The following SH3PXD2A variants were observed in gnomAD, a reference collection of about 807,000 sequenced individuals.
The protein encoded by SH3PXD2A is SH3 and PX domains 2A.
SH3PXD2A carries 32 observed loss-of-function variants against 115.2 expected under a neutral mutation model. That is an observed-to-expected ratio of 0.28 (90% CI 0.21 to 0.37). The LOEUF is 0.37. SH3PXD2A is among the 10% of genes least tolerant of loss of function. SH3PXD2A has a pLI of 1.00. For missense variants in SH3PXD2A, 1,328 were observed against 1,498.7 expected, an observed-to-expected ratio of 0.89 and a Z score of 1.88; for synonymous variants, 610 against 629.1, an observed-to-expected ratio of 0.97 and a Z score of 0.45.
intron 8 of SH3PXD2A, among the ~76,000 whole-genome samples, chr10:103,628,938 T>C (rs2036738420): frequency 6.6e-6 from 1 of 152,242 alleles, no homozygotes; most frequent in South Asian, 2.1e-4. Context: ...GCCACGTTTA[T>C]TTCATAAACA....
intron 9 of SH3PXD2A, among the ~76,000 whole-genome samples, chr10:103,624,593 C>A (rs1439135111): frequency 6.6e-6 from 1 of 152,206 alleles, no homozygotes; most frequent in African/African-American, 2.4e-5. Context: ...CAAAGTGTCT[C>A]ATGATAAGGA....
At chr10:103,678,526 G>A (rs1464001704) in intron 6 of SH3PXD2A, among the ~76,000 whole-genome samples, 1 of 152,244 alleles carries the variant, frequency 6.6e-6, no homozygotes, top group African/African-American at 2.4e-5. Flanking sequence ...CCAGGAAGGA[G>A]GCCTGGTGCT....
chr10:103,753,982 CT>C (rs2038609929), intron 3 of SH3PXD2A: 1 of 152,198 alleles, frequency 6.6e-6, no homozygotes, highest in Non-Finnish European at 1.5e-5. Flanking sequence ...CAACTACCAA[CT>C]ATTAAACTGG....
chr10:103,638,530 C>T (rs780256525), intron 8 of SH3PXD2A, among the ~76,000 whole-genome samples: 1 of 152,232 alleles, frequency 6.6e-6, no homozygotes, highest in African/African-American at 2.4e-5. Flanking sequence ...TGACAGGTAG[C>T]GGAGAATGGT....
At chr10:103,780,976 C>G (rs951329945) in intron 2 of SH3PXD2A, among the ~76,000 whole-genome samples, 1 of 152,174 alleles carries the variant, frequency 6.6e-6, no homozygotes, top group Non-Finnish European at 1.5e-5. Flanking sequence ...GCTTGTCCGT[C>G]CCTGCACACT....
Position 103,665,673 on chromosome 10 carries a change from C to G in SH3PXD2A, c.472+2935G>C, listed in dbSNP as rs1031034762. ...TGCGAGCAGGTATCCAGATGAGAAA[C>G]CACTTGCAGGCCAGGCAGGCAGTGG... On this transcript the variant is annotated intron_variant, in intron 7 of 14. Transcript: ENST00000369774. This position sits in a 1 kb window ranked among gnomAD's most constrained non-coding sequence, Gnocchi z 4.0. Among the ~76,000 whole-genome samples, 1 of 152,212 alleles carries G rather than the reference C, an allele frequency of 6.6e-6. No individual in the cohort carries two copies. Among genetic ancestry groups the G allele is most frequent in the Non-Finnish European group, 1.5e-5 (1 of 68,030 alleles).
chr10:103,797,932 C>T (rs562279689), intron 2 of SH3PXD2A, among the ~76,000 whole-genome samples: 5 of 152,194 alleles, frequency 3.3e-5, no homozygotes, highest in Admixed American at 6.5e-5. Context: ...ACAGAGGGTC[C>T]ATGTGCTGTT....
intron 8 of SH3PXD2A, among the ~76,000 whole-genome samples, chr10:103,638,118 C>CA (rs2133978055): frequency 6.6e-6 from 1 of 152,340 alleles, no homozygotes; most frequent in African/African-American, 2.4e-5. Context: ...TGCACCCACA[C>CA]AGCCCCTGCC....
chr10:103,681,496 A>G (rs920261592), intron 6 of SH3PXD2A, among the ~76,000 whole-genome samples: 2 of 152,364 alleles, frequency 1.3e-5, no homozygotes, highest in South Asian at 4.1e-4. Context: ...GGCTGGGTGC[A>G]GTGGCTCACG....
chr10:103,835,448 T>C (rs1191921768), intron 1 of SH3PXD2A, among the ~76,000 whole-genome samples: 2 of 152,210 alleles, frequency 1.3e-5, no homozygotes, highest in Non-Finnish European at 2.9e-5. Flanking sequence ...TGAAATCGCT[T>C]AGCAGACAAC....
Position 103,798,819 on chromosome 10 carries a change from G to A in SH3PXD2A, c.153+2463C>T, listed in dbSNP as rs373159659. Among the ~76,000 whole-genome samples the A allele has an allele frequency of 3.3e-5, 5 of 152,200 alleles. No individual in the cohort carries two copies. In the East Asian group the frequency reaches 9.6e-4, roughly 29 times the overall value. On this transcript the variant is annotated intron_variant, in intron 2 of 14. Coordinates refer to ENST00000369774, the MANE Select transcript of SH3PXD2A (RefSeq NM_001394015.1). ...TACCTGGCTCTGAATACGCCGGCAG[G>A]GACTGGGCACAGGGAGCTCACCACA...
chr10:103,661,251 G>T, intron 7 of SH3PXD2A, 137 bp from the exon 8 acceptor site: 1 of 1,039,004 alleles, frequency 9.6e-7, no homozygotes, highest in Non-Finnish European at 1.3e-6. Context: ...CGCAGCCGGG[G>T]CTCGCAGCTC....
At chr10:103,648,018 C>T (rs771068325) in intron 8 of SH3PXD2A, among the ~76,000 whole-genome samples, 5 of 152,128 alleles carry the variant, frequency 3.3e-5, no homozygotes, top group Non-Finnish European at 5.9e-5. Context: ...ACGTGCTAGC[C>T]ACTTCTTTGC....
intron 1 of SH3PXD2A, among the ~76,000 whole-genome samples, chr10:103,844,999 G>C (rs1164522515): frequency 6.6e-6 from 1 of 152,146 alleles, no homozygotes; most frequent in African/African-American, 2.4e-5. Flanking sequence ...GTCAGCAGAA[G>C]ATACAGGTCA....
At chr10:103,828,974 G>A (rs1018984613) in intron 1 of SH3PXD2A, among the ~76,000 whole-genome samples, 4 of 152,164 alleles carry the variant, frequency 2.6e-5, no homozygotes, top group South Asian at 2.1e-4. Flanking sequence ...GTCACCCGTT[G>A]CAGCTCAAGC....
intron 8 of SH3PXD2A, among the ~76,000 whole-genome samples, chr10:103,654,218 T>C (rs1034701480): frequency 4.6e-5 from 7 of 152,140 alleles, no homozygotes; most frequent in African/African-American, 1.7e-4. Context: ...CCAACCCTTC[T>C]TCCTGCTGGA....
At chr10:103,610,548 T>G (rs2036410348) in intron 13 of SH3PXD2A, among the ~76,000 whole-genome samples, 1 of 152,142 alleles carries the variant, frequency 6.6e-6, no homozygotes, top group African/African-American at 2.4e-5. Context: ...AAAACCATAT[T>G]TTTATGGAGG....
chr10:103,636,631 C>G (rs536980618), intron 8 of SH3PXD2A, among the ~76,000 whole-genome samples: 3 of 152,108 alleles, frequency 2.0e-5, no homozygotes, highest in Non-Finnish European at 2.9e-5. Flanking sequence ...CCACAATGGC[C>G]TCCTTAAGGA....
intron 9 of SH3PXD2A, among the ~76,000 whole-genome samples, chr10:103,623,962 A>G (rs2036650728): frequency 1.3e-5 from 2 of 152,244 alleles, no homozygotes; most frequent in Admixed American, 1.3e-4. Flanking sequence ...TGCGAGGCCC[A>G]GTTTAAACCA....
Sources: allele counts gnomAD v4.1 joint callset (sites outside exome capture counted in the v4.1 genomes callset), GRCh38; gene constraint gnomAD v4.1.1; non-coding constraint Gnocchi (gnomAD v3.1); transcripts MANE v1.5; gene names NCBI Gene and HGNC (gene_info 2026-07-23, HGNC 2026-07-21).